The following TMEM127 variants were observed in gnomAD, a reference collection of about 807,000 sequenced individuals.
TMEM127 encodes transmembrane protein 127.
A neutral mutation model predicts 20.1 loss-of-function variants in TMEM127; 21 were observed. The ratio of observed to expected loss-of-function variants is 1.04; its 90% CI spans 0.74 to 1.50. The LOEUF (loss-of-function observed/expected upper bound fraction) is 1.50, where lower values mean the gene tolerates loss of function less well. Ranked by LOEUF, TMEM127 falls within the 40% of genes most tolerant of loss-of-function variation. The pLI is 0.00. For synonymous variants in TMEM127, 150 were observed against 144.7 expected (o/e 1.04, Z -0.26); for missense variants, 303 against 317.4 (o/e 0.95, Z 0.34).
Position 96,253,696 on chromosome 2 carries a change from G to T in TMEM127, c.*112C>A, listed in dbSNP as rs1684137854. On this transcript the variant is annotated 3_prime_UTR_variant, in exon 4 of 4. Transcript: ENST00000258439. The surrounding 1 kb of genome is among the most constrained non-coding windows in gnomAD (Gnocchi z 4.3). ...TCTCTCCTGGGGAAGGTTTGGAGAA[G>T]ATGGTCAGGATCCTACCAGTGAGGC... 1.6e-6 allele frequency: 2 copies of T among 1,212,616 alleles called. No individual in the cohort carries two copies. The highest frequency in any genetic ancestry group is 2.9e-4 in the Middle Eastern group (1 of 3,498). 75.1% of individuals were successfully genotyped at this position (1,212,616 alleles called of 1,614,324 possible). A position where few individuals can be genotyped will look rare whatever the true frequency, so the allele number is the denominator to read the frequency against.
intron 2 of TMEM127, among the ~76,000 whole-genome samples, chr2:96,258,022 T>C (rs1263601547): frequency 6.6e-6 from 1 of 152,200 alleles, no homozygotes. Context: ...TTAGGAAAAT[T>C]TGGAAAGGGC....
intron 2 of TMEM127, among the ~76,000 whole-genome samples, chr2:96,259,113 A>T (rs1202789561): frequency 6.6e-6 from 1 of 152,242 alleles, no homozygotes; most frequent in Non-Finnish European, 1.5e-5. Context: ...TTCCAAGAGG[A>T]CATCCCTCCC....
chr2:96,254,121 A>C lies in TMEM127; in HGVS notation c.410-6T>G, dbSNP rs765971817. The stretch of plus-strand genomic sequence containing the variant: ...GACGGTGGCACACTGCAGAACTAGG[A>C]GACAGAGGGACAGCACAGAAGGGGA... On this transcript the variant is annotated splice_polypyrimidine_tract_variant and splice_region_variant and intron_variant, in intron 3 of 3. Transcript: ENST00000258439. The C allele has an allele frequency of 1.4e-5, 23 of 1,613,596 alleles. No homozygotes were observed. The South Asian group carries it at 2.0e-4, about 14-fold the overall frequency.
rs765408990 is a variant in TMEM127, at chr2:96,249,299, T to C, written c.*4509A>G. 12 of 206,622 alleles carry C rather than the reference T, an allele frequency of 5.8e-5. No homozygotes were observed. Among genetic ancestry groups the C allele is most frequent in the Middle Eastern group, 1.6e-3 (1 of 640 alleles). The allele number at this position is 206,622 out of a possible 1,614,324, so 12.8% of individuals were successfully genotyped here. ...TTTTAGTAGAGACGGGGTTTCACCA[T>C]GTTGGCCAGAATGGTCTCGATCTCC... On this transcript the variant is annotated 3_prime_UTR_variant, in exon 4 of 4. Coordinates refer to ENST00000258439, the MANE Select transcript of TMEM127 (RefSeq NM_017849.4).
chr2:96,248,918 C>T lies in TMEM127; in HGVS notation c.*4890G>A. On this transcript the variant is annotated 3_prime_UTR_variant, in exon 4 of 4. Coordinates refer to ENST00000258439, the MANE Select transcript of TMEM127 (RefSeq NM_017849.4). ...CCTCATCTTGTACATCTTATGAAGC[C>T]CCTTACCACCCACTGTGTTGCTGTC... 1 of 232,554 alleles carries T rather than the reference C, an allele frequency of 4.3e-6. No homozygotes were observed. 14.4% of individuals were successfully genotyped at this position (232,554 alleles called of 1,614,324 possible). A position where few individuals can be genotyped will look rare whatever the true frequency, so the allele number is the denominator to read the frequency against.
rs1684393209 is a variant in TMEM127 at position 96,265,272 on chromosome 2, C to T, written c.110G>A (p.Gly37Asp). 6.3e-7 allele frequency: 1 copy of T among 1,575,456 alleles called. No individual in the cohort carries two copies. The highest frequency in any genetic ancestry group is 8.6e-7 in the Non-Finnish European group (1 of 1,166,772). The change falls in exon 2 of 4, where the codon GGC (glycine) becomes GAC (aspartate). Residue 37 changes from glycine to aspartate, a missense_variant. Transcript: ENST00000258439. ...PERSLASALP[G>D]ALSITALCTA... The stretch of plus-strand genomic sequence containing the variant: ...GCACAGCGCCGTGATAGACAGGGCG[C>T]CAGGCAGGGCCGAGGCCAGGCTACG...
At chr2:96,255,061 A>G in intron 2 of TMEM127, 64 bp from the exon 3 acceptor site, 1 of 1,602,252 alleles carries the variant, frequency 6.2e-7, no homozygotes, top group Non-Finnish European at 8.5e-7. Flanking sequence ...GTCCCCACCT[A>G]GAAGGAGTTT....
intron 2 of TMEM127, among the ~76,000 whole-genome samples, chr2:96,261,554 A>G (rs1477781523): frequency 6.6e-6 from 1 of 152,214 alleles, no homozygotes; most frequent in African/African-American, 2.4e-5. Flanking sequence ...TAAAGCCTCA[A>G]CACTGAGGCG....
intron 2 of TMEM127, among the ~76,000 whole-genome samples, chr2:96,262,889 G>A (rs1298899324): frequency 6.6e-6 from 1 of 152,156 alleles, no homozygotes; most frequent in African/African-American, 2.4e-5. Flanking sequence ...ATGTTGGCCA[G>A]GCTGATCTTG....
Position 96,263,971 on chromosome 2 carries a change from T to C in TMEM127, c.244+1167A>G, listed in dbSNP as rs534229786. On this transcript the variant is annotated intron_variant, in intron 2 of 3. Transcript: ENST00000258439. ...AAGGCCTCTGTCGTGTGCATAACTTTGGCTTTAATGAGCCAACCCAGCAAA... is the reference window on the plus strand; with the variant it reads ...AAGGCCTCTGTCGTGTGCATAACTTCGGCTTTAATGAGCCAACCCAGCAAA... Among the ~76,000 whole-genome samples, 15 of 152,258 alleles carry C rather than the reference T, an allele frequency of 9.9e-5. No individual in the cohort carries two copies. The East Asian group carries it at 2.9e-3, about 29-fold the overall frequency.
At chr2:96,261,978 T>C (rs144146305) in intron 2 of TMEM127, among the ~76,000 whole-genome samples, 1 of 152,260 alleles carries the variant, frequency 6.6e-6, no homozygotes, top group Non-Finnish European at 1.5e-5. Context: ...TATCTACATG[T>C]GGCCAGGAGC....
At chr2:96,261,679 A>C (rs1040919300) in intron 2 of TMEM127, among the ~76,000 whole-genome samples, 1 of 152,220 alleles carries the variant, frequency 6.6e-6, no homozygotes, top group Non-Finnish European at 1.5e-5. Context: ...GAGCTCACTA[A>C]GGTGTTGCAG....
intron 1 of TMEM127, 76 bp from the exon 2 acceptor site, chr2:96,265,588 G>A: frequency 1.8e-6 from 1 of 553,470 alleles, no homozygotes; most frequent in Non-Finnish European, 2.7e-6. Flanking sequence ...CGGGAATTCG[G>A]GGGGCGGAGA....
intron 3 of TMEM127, among the ~76,000 whole-genome samples, chr2:96,254,450 T>C (rs147758939): frequency 2.1e-3 from 312 of 151,812 alleles, no homozygotes; most frequent in African/African-American, 7.3e-3. Context: ...AAAAGGCGGG[T>C]CTGTAGGGAA....
chr2:96,253,953 G>A lies in TMEM127; in HGVS notation c.572C>T (p.Thr191Met), dbSNP rs200327514. The stretch of plus-strand genomic sequence containing the variant: ...GTAGTGGCGCAGGAGGTTGGCTGCC[G>A]TGGCCAGGATTGAGGCTCCACCAGC... ...AGAGGASILA[T>M]AANLLRHYPT... The change falls in exon 4 of 4, where the codon ACG (threonine) becomes ATG (methionine). Residue 191 changes from threonine (T) to methionine (M), a missense_variant. Physicochemically the swap from Thr to Met is moderately conservative, Grantham distance 81. Coordinates refer to ENST00000258439, the MANE Select transcript of TMEM127 (RefSeq NM_017849.4). The surrounding 1 kb of genome is among the most constrained non-coding windows in gnomAD (Gnocchi z 4.3). 3.5e-4 allele frequency: 563 copies of A among 1,614,134 alleles called. 1 individual carries two copies. The highest frequency in any genetic ancestry group is 6.7e-5 in the East Asian group (3 of 44,884).
In TMEM127 at chr2:96,251,363, C is replaced by CA. The variant is rs910046254; in HGVS notation, c.*2444dup. ...TGAAACCCTGTCTCTACTAAAAATACAAAAAAATTATCTGGGCATAGTGGC... is the reference window on the plus strand; with the variant it reads ...TGAAACCCTGTCTCTACTAAAAATACAAAAAAAATTATCTGGGCATAGTGGC... On this transcript the variant is annotated 3_prime_UTR_variant, in exon 4 of 4. Transcript: ENST00000258439. 2.6e-5 allele frequency: 5 copies of CA among 194,184 alleles called. No individual in the cohort carries two copies. The highest frequency in any genetic ancestry group is 1.1e-5 in the Non-Finnish European group (1 of 93,388). The allele number at this position is 194,184 out of a possible 1,614,324, so 12.0% of individuals were successfully genotyped here.
At position 96,253,712 on chromosome 2, in the gene TMEM127, C is replaced by T; in HGVS notation, c.*96G>A. On this transcript the variant is annotated 3_prime_UTR_variant, in exon 4 of 4. Transcript: ENST00000258439. The surrounding 1 kb of genome is among the most constrained non-coding windows in gnomAD (Gnocchi z 4.3). Reference sequence around the variant, plus strand: ...TTTGGAGAAGATGGTCAGGATCCTACCAGTGAGGCCTGCTGGGGAAAGGAG... The same window carrying T: ...TTTGGAGAAGATGGTCAGGATCCTATCAGTGAGGCCTGCTGGGGAAAGGAG... 1 of 1,368,024 alleles carries T rather than the reference C, an allele frequency of 7.3e-7. No homozygotes were observed. The highest frequency in any genetic ancestry group is 1.4e-5 in the African/African-American group (1 of 68,968). The allele number at this position is 1,368,024 out of a possible 1,614,324, so 84.7% of individuals were successfully genotyped here. A position where few individuals can be genotyped will look rare whatever the true frequency, so the allele number is the denominator to read the frequency against.
Position 96,251,901 on chromosome 2 carries a change from T to G in TMEM127, c.*1907A>C. ...CCCTTTGGCATGCAGGTCCAGTGCC[T>G]GGTCTTCTGGTCTGCCTGCTCAGAC... On this transcript the variant is annotated 3_prime_UTR_variant, in exon 4 of 4. Transcript: ENST00000258439. The G allele has an allele frequency of 4.3e-6, 1 of 233,208 alleles. No individual in the cohort carries two copies. Among genetic ancestry groups the G allele is most frequent in the Non-Finnish European group, 8.5e-6 (1 of 117,768 alleles). The allele number at this position is 233,208 out of a possible 1,614,324, so 14.4% of individuals were successfully genotyped here. A position where few individuals can be genotyped will look rare whatever the true frequency, so the allele number is the denominator to read the frequency against.
intron 2 of TMEM127, among the ~76,000 whole-genome samples, chr2:96,264,234 G>C (rs978266508): frequency 1.3e-5 from 2 of 152,206 alleles, no homozygotes; most frequent in African/African-American, 4.8e-5. Flanking sequence ...AATTCTTCAG[G>C]AGGTAACACG....
Sources: allele counts gnomAD v4.1 joint callset (sites outside exome capture counted in the v4.1 genomes callset), GRCh38; gene constraint gnomAD v4.1.1; non-coding constraint Gnocchi (gnomAD v3.1); transcripts MANE v1.5; gene names NCBI Gene and HGNC (gene_info 2026-07-23, HGNC 2026-07-21).